Variants in DCTN5 observed in about 807,000 individuals in gnomAD.
DCTN5 encodes dynactin 4.
In DCTN5, 14 loss-of-function variants were observed where a neutral mutation model predicts 23.5. That is an observed-to-expected ratio of 0.60 (90% CI 0.39 to 0.93). The LOEUF is 0.93. DCTN5 is among the 40% of genes least tolerant of loss of function. The pLI, the probability that DCTN5 is intolerant of heterozygous loss-of-function variation, is 0.00. For synonymous variants in DCTN5, 67 were observed against 79.6 expected (o/e 0.84, Z 0.84); for missense variants, 156 against 225.9 (o/e 0.69, Z 1.98).
chr16:23,645,401 A>G (rs981288170), intron 2 of DCTN5, among the ~76,000 whole-genome samples: 1 of 151,986 alleles, frequency 6.6e-6, no homozygotes, highest in Admixed American at 6.6e-5. Context: ...CTGGAATTAC[A>G]GGCATGAGCC....
rs1480608145 is a variant in DCTN5, at chr16:23,672,768, ATTACTG to A, written c.*5631_*5636del. The A allele has an allele frequency of 6.6e-6, 1 of 152,254 alleles. No homozygotes were observed. The highest frequency in any genetic ancestry group is 1.5e-5 in the Non-Finnish European group (1 of 68,048). 9.4% of individuals were successfully genotyped at this position (152,254 alleles called of 1,614,324 possible). The stretch of plus-strand genomic sequence containing the variant: ...TGCTTAATAAGGGTTCACTGTTAGT[ATTACTG>A]TTACTGATAACATACAAATAGATTG... On this transcript the variant is annotated 3_prime_UTR_variant, in exon 6 of 6. Transcript: ENST00000300087.
At chr16:23,650,086 T>C (rs1364168177) in intron 2 of DCTN5, among the ~76,000 whole-genome samples, 1 of 152,188 alleles carries the variant, frequency 6.6e-6, no homozygotes, top group Non-Finnish European at 1.5e-5. Flanking sequence ...AGTATTATGC[T>C]ATTTTGATTA....
At chr16:23,645,137 A>AAATT (rs1450842109) in intron 2 of DCTN5, among the ~76,000 whole-genome samples, 1 of 30,806 alleles carries the variant, frequency 3.2e-5, no homozygotes, top group Non-Finnish European at 5.6e-5. Flanking sequence ...ATATATATAT[A>AAATT]TTTTTTTTTT....
intron 2 of DCTN5, among the ~76,000 whole-genome samples, chr16:23,644,580 G>A (rs1324406442): frequency 2.0e-5 from 3 of 151,616 alleles, no homozygotes; most frequent in East Asian, 3.9e-4. Context: ...GATTACAGGC[G>A]TGAGCCACCG....
chr16:23,661,755 A>AAATAAATAAATAAAT (rs1567233059), intron 4 of DCTN5, among the ~76,000 whole-genome samples: 1 of 143,014 alleles, frequency 7.0e-6, no homozygotes, highest in African/African-American at 2.7e-5. Flanking sequence ...AATAAATAAA[A>AAATAAATAAATAAAT]AGATTTGGAA....
Position 23,673,604 on chromosome 16 carries a change from C to T in DCTN5, c.*6460C>T, listed in dbSNP as rs1968047286. The T allele has an allele frequency of 6.6e-6, 1 of 152,180 alleles. No individual in the cohort carries two copies. The highest frequency in any genetic ancestry group is 1.5e-5 in the Non-Finnish European group (1 of 68,026). 9.4% of individuals were successfully genotyped at this position (152,180 alleles called of 1,614,324 possible). On this transcript the variant is annotated 3_prime_UTR_variant, in exon 6 of 6. Transcript: ENST00000300087. ...CATCTCTTAAAAAAAAAGTTTTATGCTTGTTAATTTCATAAATGCTAGAGG... is the reference window on the plus strand; with the variant it reads ...CATCTCTTAAAAAAAAAGTTTTATGTTTGTTAATTTCATAAATGCTAGAGG...
chr16:23,646,552 G>A (rs1043995166), intron 2 of DCTN5, among the ~76,000 whole-genome samples: 15 of 151,976 alleles, frequency 9.9e-5, no homozygotes, highest in Admixed American at 3.9e-4. Context: ...GCTGTGTTTA[G>A]GTCATTGATC....
chr16:23,648,786 A>G (rs1967532521), intron 2 of DCTN5, among the ~76,000 whole-genome samples: 1 of 152,148 alleles, frequency 6.6e-6, no homozygotes, highest in East Asian at 1.9e-4. Flanking sequence ...TCTTTATGAT[A>G]AGCATCCTAA....
intron 2 of DCTN5, among the ~76,000 whole-genome samples, chr16:23,657,855 C>G (rs941410764): frequency 6.6e-6 from 1 of 152,204 alleles, no homozygotes; most frequent in Non-Finnish European, 1.5e-5. Flanking sequence ...TTGCATGTCC[C>G]TTGCTTACTT....
chr16:23,650,738 C>A, intron 2 of DCTN5: 1 of 1,533,232 alleles, frequency 6.5e-7, no homozygotes, highest in South Asian at 1.2e-5. Context: ...ATTTATATTT[C>A]TATCCCTTCT....
intron 3 of DCTN5, among the ~76,000 whole-genome samples, chr16:23,659,951 T>C (rs1166582141): frequency 6.6e-6 from 1 of 152,200 alleles, no homozygotes; most frequent in Non-Finnish European, 1.5e-5. Context: ...TATTGCTGAA[T>C]GAAGGGATGT....
At chr16:23,661,425 T>G (rs529378127) in intron 4 of DCTN5, 144 bp downstream of exon 4, 2 of 591,332 alleles carry the variant, frequency 3.4e-6, no homozygotes, top group Non-Finnish European at 5.8e-6. Context: ...TTGACAGATA[T>G]GGAATTTTTT....
chr16:23,665,653 T>G lies in DCTN5; in HGVS notation c.376T>G (p.Cys126Gly). 1 of 1,614,012 alleles carries G rather than the reference T, an allele frequency of 6.2e-7. No homozygotes were observed. The highest frequency in any genetic ancestry group is 8.5e-7 in the Non-Finnish European group (1 of 1,179,994). Residue 126 changes from cysteine to glycine, a missense_variant, in exon 5 of 6, where the codon TGC (cysteine) becomes GGC (glycine). Cys to Gly is a radical substitution (Grantham distance 159). This residue lies in a region of DCTN5 where 153 missense variants were observed against 206.8 expected (regional missense o/e 0.74). Transcript: ENST00000300087. ...IGRRCVLKDC[C>G]KILDNTVLPP... ...GCGCCGATGTGTGTTGAAAGACTGCTGCAAAATTCTTGACAACACAGTATT... is the reference window on the plus strand; with the variant it reads ...GCGCCGATGTGTGTTGAAAGACTGCGGCAAAATTCTTGACAACACAGTATT...
chr16:23,645,128 TATA>T (rs1159796089), intron 2 of DCTN5, among the ~76,000 whole-genome samples: 26 of 38,804 alleles, frequency 6.7e-4, no homozygotes, highest in East Asian at 2.0e-3. Context: ...TATATATATA[TATA>T]TATATATTTT....
Position 23,645,110 on chromosome 16 carries a change from TATATATATATATATATATATATATA to T in DCTN5, c.117+2088_117+2112del, listed in dbSNP as rs1567228357. Among the ~76,000 whole-genome samples, 293 of 39,552 alleles carry T rather than the reference TATATATATATATATATATATATATA, an allele frequency of 7.4e-3. 17 individuals are homozygous for T. Among genetic ancestry groups the T allele is most frequent in the Non-Finnish European group, 9.7e-3 (199 of 20,526 alleles). The allele number at this position is 39,552 out of a possible 152,430, so 25.9% of individuals were successfully genotyped here. A position where few individuals can be genotyped will look rare whatever the true frequency, so the allele number is the denominator to read the frequency against. On this transcript the variant is annotated intron_variant, in intron 2 of 5. Coordinates refer to ENST00000300087, the MANE Select transcript of DCTN5 (RefSeq NM_032486.4). ...ATATATATATATATATATATATATA[TATATATATATATATATATATATATA>T]TATTTTTTTTTTTTTTAATACGCAG...
In DCTN5 at chr16:23,667,757, G is replaced by C. The variant is rs1353966182; in HGVS notation, c.*613G>C. The C allele has an allele frequency of 6.6e-6, 1 of 152,388 alleles. No individual in the cohort carries two copies. Among genetic ancestry groups the C allele is most frequent in the Non-Finnish European group, 1.5e-5 (1 of 68,176 alleles). The allele number at this position is 152,388 out of a possible 1,614,324, so 9.4% of individuals were successfully genotyped here. A position where few individuals can be genotyped will look rare whatever the true frequency, so the allele number is the denominator to read the frequency against. Reference sequence around the variant, plus strand: ...GACCTTAGCTGTCCTAGGATAGTTAGTAAAAGACTTTTTAGCATTTTGACC... The same window carrying C: ...GACCTTAGCTGTCCTAGGATAGTTACTAAAAGACTTTTTAGCATTTTGACC... On this transcript the variant is annotated 3_prime_UTR_variant, in exon 6 of 6. Coordinates refer to ENST00000300087, the MANE Select transcript of DCTN5 (RefSeq NM_032486.4).
intron 3 of DCTN5, among the ~76,000 whole-genome samples, chr16:23,659,486 A>T (rs529910771): frequency 1.8e-4 from 27 of 152,346 alleles, no homozygotes; most frequent in African/African-American, 6.0e-4. Context: ...AGCTGAGAAT[A>T]TATAAAGATA....
Position 23,667,252 on chromosome 16 carries a change from C to G in DCTN5, c.*108C>G. Reference sequence around the variant, plus strand: ...CTTTTGTGTCTTTGACATCTACCACCCTCCTCCTTTTAAAAAATTTCTTTA... The same window carrying G: ...CTTTTGTGTCTTTGACATCTACCACGCTCCTCCTTTTAAAAAATTTCTTTA... On this transcript the variant is annotated 3_prime_UTR_variant, in exon 6 of 6. Transcript: ENST00000300087. The G allele has an allele frequency of 5.8e-6, 8 of 1,386,770 alleles. No homozygotes were observed. The highest frequency in any genetic ancestry group is 7.9e-6 in the Non-Finnish European group (8 of 1,014,622). The allele number at this position is 1,386,770 out of a possible 1,614,324, so 85.9% of individuals were successfully genotyped here.
chr16:23,648,182 G>T (rs1967510899), intron 2 of DCTN5, among the ~76,000 whole-genome samples: 1 of 151,524 alleles, frequency 6.6e-6, no homozygotes, highest in Admixed American at 6.6e-5. Flanking sequence ...TTGAGACAGG[G>T]TCTCACTTTG....
Sources: gnomAD v4.1 joint callset for allele counts (sites outside exome capture counted in the v4.1 genomes callset) on GRCh38, gnomAD v4.1.1 for gene constraint, gnomAD v4.1.1 regional missense constraint, MANE v1.5 for transcripts, NCBI Gene and HGNC (gene_info 2026-07-23, HGNC 2026-07-21) for gene names.